Variants in HSF1 observed in about 807,000 individuals in gnomAD.
The protein encoded by HSF1 is heat shock transcription factor 1, also known as heat shock factor protein 1.
HSF1 carries 32 observed loss-of-function variants against 51.7 expected under a neutral mutation model. The observed-to-expected ratio is 0.62, with a 90% CI of 0.47 to 0.83. HSF1 has a LOEUF of 0.83. HSF1 is among the 40% of genes least tolerant of loss of function. The pLI is 0.00. For missense variants in HSF1, 727 were observed against 717.0 expected (o/e 1.01, Z -0.16); for synonymous variants, 396 against 309.7 (o/e 1.28, Z -2.92).
At chr8:144,294,592 C>T (rs559159899) in intron 1 of HSF1, among the ~76,000 whole-genome samples, 1 of 152,266 alleles carries the variant, frequency 6.6e-6, no homozygotes, top group Non-Finnish European at 1.5e-5. Flanking sequence ...CTTTACTGAG[C>T]CTGGCCAGGA....
In HSF1 at chr8:144,312,145, TCACGGACGCCAGGGGCCA is replaced by T. The variant is rs782267427; in HGVS notation, c.1051_1068del (p.Ala351_Asp356del). The T allele has an allele frequency of 1.9e-6, 3 of 1,611,382 alleles. No individual in the cohort carries two copies. Among genetic ancestry groups the T allele is most frequent in the Non-Finnish European group, 1.7e-6 (2 of 1,179,600 alleles). On this transcript the variant is annotated inframe_deletion, in exon 9 of 13. Coordinates refer to ENST00000528838, the MANE Select transcript of HSF1 (RefSeq NM_005526.4). ...CCTGCCCCCGCCTCCGTCACAGCCCTCACGGACGCCAGGGGCCACACGGACACCGAGGGCCGGCCTCCC... is the reference window on the plus strand; with the variant it reads ...CCTGCCCCCGCCTCCGTCACAGCCCTCACGGACACCGAGGGCCGGCCTCCC...
At chr8:144,303,118 T>C (rs1816007396) in intron 1 of HSF1, among the ~76,000 whole-genome samples, 1 of 152,082 alleles carries the variant, frequency 6.6e-6, no homozygotes, top group Non-Finnish European at 1.5e-5. Context: ...TTGGTTATTC[T>C]ACTCCAGAGT....
At chr8:144,311,069 CACTT>C in intron 4 of HSF1, 101 bp from the exon 5 acceptor site, 1 of 1,100,180 alleles carries the variant, frequency 9.1e-7, no homozygotes, top group Non-Finnish European at 1.3e-6. Flanking sequence ...GACATGGTCA[CACTT>C]ACCCCTGCTC....
rs1815213899 is a variant in HSF1, at chr8:144,293,135, T to C, written c.117+1261T>C. 1.3e-5 allele frequency among the ~76,000 whole-genome samples: 2 copies of C among 152,214 alleles called. 1 individual carries two copies. Among genetic ancestry groups the C allele is most frequent in the South Asian group, 4.1e-4 (2 of 4,834 alleles). ...TTATGCTGTTAGGAATGAAGAAAAG[T>C]CTAAACTGAAGCTGCCCCAGGCAGG... On this transcript the variant is annotated intron_variant, in intron 1 of 12. Transcript: ENST00000528838.
Position 144,313,570 on chromosome 8 carries a change from T to C in HSF1, c.1202T>C (p.Met401Thr), listed in dbSNP as rs1554845507. 1 of 1,611,508 alleles carries C rather than the reference T, an allele frequency of 6.2e-7. No homozygotes were observed. Among genetic ancestry groups the C allele is most frequent in the Non-Finnish European group, 8.5e-7 (1 of 1,179,178 alleles). The change falls in exon 10 of 13, where the codon ATG becomes ACG. Residue 401 changes from methionine to threonine, a missense_variant. By Grantham distance (81) the Met-to-Thr change is moderately conservative (BLOSUM62 -1). This residue lies in a region of HSF1 where 470 missense variants were observed against 398.8 expected (regional missense o/e 1.18). Transcript: ENST00000528838. ...MDSNLDNLQTMLSSHGFSVDT... is the reference protein window; with the variant it reads ...MDSNLDNLQTTLSSHGFSVDT... The stretch of plus-strand genomic sequence containing the variant: ...TCCAACCTGGATAACCTGCAGACCA[T>C]GCTGAGCAGCCACGGCTTCAGCGTG...
intron 1 of HSF1, among the ~76,000 whole-genome samples, chr8:144,308,387 T>C (rs1381054390): frequency 6.6e-6 from 1 of 152,254 alleles, no homozygotes; most frequent in Non-Finnish European, 1.5e-5. Flanking sequence ...GTTTCTTGTC[T>C]CACGTCACAA....
At chr8:144,293,812 G>A (rs1462111122) in intron 1 of HSF1, among the ~76,000 whole-genome samples, 7 of 150,464 alleles carry the variant, frequency 4.7e-5, no homozygotes, top group African/African-American at 1.7e-4. Context: ...AGGGGCATCC[G>A]CGATTATCTG....
chr8:144,298,609 AAAG>A (rs1221210081), intron 1 of HSF1, among the ~76,000 whole-genome samples: 105 of 144,140 alleles, frequency 7.3e-4, no homozygotes, highest in South Asian at 1.5e-3. Flanking sequence ...AAAAAAAAAA[AAAG>A]AAAGAAAAGA....
intron 1 of HSF1, among the ~76,000 whole-genome samples, chr8:144,294,299 G>T (rs1744601480): frequency 6.6e-6 from 1 of 152,116 alleles, no homozygotes; most frequent in Non-Finnish European, 1.5e-5. Context: ...ACTCACACAA[G>T]CCCTGAGGAC....
At chr8:144,301,250 C>T (rs922541524) in intron 1 of HSF1, among the ~76,000 whole-genome samples, 2 of 151,938 alleles carry the variant, frequency 1.3e-5, no homozygotes, top group Non-Finnish European at 2.9e-5. Context: ...AAGACCCTGT[C>T]TCTATAAATA....
Position 144,312,792 on chromosome 8 carries a change from C to T in HSF1, c.1142+548C>T. ...CCACACAGCCGTGGACCAGACCCAGCCTGGCCGGGCATGAGCGTCGGGCCT... is the reference window on the plus strand; with the variant it reads ...CCACACAGCCGTGGACCAGACCCAGTCTGGCCGGGCATGAGCGTCGGGCCT... On this transcript the variant is annotated intron_variant, in intron 9 of 12. Coordinates refer to ENST00000528838, the MANE Select transcript of HSF1 (RefSeq NM_005526.4). The T allele has an allele frequency of 2.3e-6, 3 of 1,303,248 alleles. No individual in the cohort carries two copies. The South Asian group carries it at 3.8e-5, about 16-fold the overall frequency. 80.7% of individuals were successfully genotyped at this position (1,303,248 alleles called of 1,614,324 possible).
chr8:144,312,699 A>C, intron 9 of HSF1: 1 of 1,535,388 alleles, frequency 6.5e-7, no homozygotes, highest in Non-Finnish European at 8.7e-7. Flanking sequence ...CCGCATGGCC[A>C]AGTCCAGCCA....
At chr8:144,295,237 G>C (rs113004581) in intron 1 of HSF1, among the ~76,000 whole-genome samples, 35 of 152,368 alleles carry the variant, frequency 2.3e-4, no homozygotes, top group Non-Finnish European at 4.4e-4. Context: ...TGACAGCATG[G>C]AGAACCAAAC....
intron 1 of HSF1, among the ~76,000 whole-genome samples, chr8:144,303,697 G>C (rs1816038105): frequency 6.6e-6 from 1 of 152,088 alleles, no homozygotes. Context: ...GACCAACCTG[G>C]TGAAAGCCTG....
In HSF1 at chr8:144,312,135, G is replaced by A. The variant is rs782807799; in HGVS notation, c.1033G>A (p.Val345Ile). Residue 345 changes from valine (V) to isoleucine (I), a missense_variant, in exon 9 of 13, where the codon GTC (valine) becomes ATC (isoleucine). Transcript: ENST00000528838. ...GGAGAGTGAACCTGCCCCCGCCTCC[G>A]TCACAGCCCTCACGGACGCCAGGGG... Reference protein sequence around the residue: ...LRESEPAPASVTALTDARGHT... With the variant: ...LRESEPAPASITALTDARGHT... The A allele has an allele frequency of 2.4e-5, 38 of 1,611,778 alleles. 1 individual carries two copies. The highest frequency in any genetic ancestry group is 1.1e-4 in the African/African-American group (8 of 74,854).
chr8:144,293,687 C>G (rs1815265360), intron 1 of HSF1: 1 of 151,926 alleles, frequency 6.6e-6, no homozygotes, highest in South Asian at 2.1e-4. Flanking sequence ...ATCCACCCGC[C>G]TTGGCCTCCC....
rs183941559 is a variant in HSF1, at chr8:144,301,703, G to A, written c.118-7203G>A. Among the ~76,000 whole-genome samples the A allele has an allele frequency of 8.5e-3, 1,289 of 151,286 alleles. 11 individuals carry two copies. The highest frequency in any genetic ancestry group is 0.011 in the Non-Finnish European group (712 of 67,706). On this transcript the variant is annotated intron_variant, in intron 1 of 12. Transcript: ENST00000528838. ...AATACAGTGAAACCCCGTCTCTATT[G>A]AAAATACAAAAATTAGCCGGGCGTG...
intron 1 of HSF1, among the ~76,000 whole-genome samples, chr8:144,300,031 T>G (rs1474955129): frequency 3.3e-5 from 5 of 152,204 alleles, no homozygotes; most frequent in African/African-American, 1.2e-4. Context: ...ATAGTTCCCC[T>G]TCGAGGAGGT....
At position 144,312,507 on chromosome 8, in the gene HSF1, CAG is replaced by C. The variant is rs1816750024; in HGVS notation, c.1142+264_1142+265del. The C allele has an allele frequency of 5.3e-6, 5 of 934,796 alleles. No individual in the cohort carries two copies. In the South Asian group the frequency reaches 7.3e-5, roughly 14 times the overall value. 57.9% of individuals were successfully genotyped at this position (934,796 alleles called of 1,614,324 possible). A position where few individuals can be genotyped will look rare whatever the true frequency, so the allele number is the denominator to read the frequency against. On this transcript the variant is annotated intron_variant, in intron 9 of 12. Transcript: ENST00000528838. ...CGTCCTGCTGCCGCCACCCTCGCCACAGGCCACGGGCCCTGGCAGGTCGTGCT... is the reference window on the plus strand; with the variant it reads ...CGTCCTGCTGCCGCCACCCTCGCCACGCCACGGGCCCTGGCAGGTCGTGCT...
Sources: gnomAD v4.1 joint callset for allele counts (sites outside exome capture counted in the v4.1 genomes callset) on GRCh38, gnomAD v4.1.1 for gene constraint, gnomAD v4.1.1 regional missense constraint, MANE v1.5 for transcripts, NCBI Gene and HGNC (gene_info 2026-07-23, HGNC 2026-07-21) for gene names.